The following TOX variants were observed in gnomAD, a reference collection of about 807,000 sequenced individuals.
The protein encoded by TOX is thymocyte selection-associated high mobility group box protein TOX.
In TOX, 11 loss-of-function variants were observed where a neutral mutation model predicts 53.7. The observed-to-expected ratio is 0.20, with a 90% CI of 0.13 to 0.34. TOX has a LOEUF of 0.34. Ranked by LOEUF, TOX falls within the 10% of genes least tolerant of loss-of-function variation. The pLI is 1.00. For missense variants in TOX, 570 were observed against 664.6 expected (o/e 0.86, Z 1.56); for synonymous variants, 225 against 245.3 (o/e 0.92, Z 0.77).
chr8:58,827,439 A>G (rs988008323), intron 5 of TOX, among the ~76,000 whole-genome samples: 3 of 152,206 alleles, frequency 2.0e-5, no homozygotes, highest in Non-Finnish European at 4.4e-5. Context: ...TCTATTTTCA[A>G]AGACTCAGGA....
chr8:59,056,141 C>T (rs143442431), intron 1 of TOX, among the ~76,000 whole-genome samples: 69 of 151,890 alleles, frequency 4.5e-4, no homozygotes, highest in Admixed American at 9.2e-4. Flanking sequence ...AGAATCATAC[C>T]GAAGCCAGGT....
Position 58,807,512 on chromosome 8 carries a change from A to G in TOX, c.*235T>C. ...AGCAAAAAACCAACATAAAATCTGA[A>G]TGGTCCAAATTTCCTTCAGGGAAGA... On this transcript the variant is annotated 3_prime_UTR_variant, in exon 9 of 9. Transcript: ENST00000361421. 1 of 465,576 alleles carries G rather than the reference A, an allele frequency of 2.1e-6. No homozygotes were observed. The highest frequency in any genetic ancestry group is 3.5e-5 in the Admixed American group (1 of 28,706). 28.8% of individuals were successfully genotyped at this position (465,576 alleles called of 1,614,324 possible). A position where few individuals can be genotyped will look rare whatever the true frequency, so the allele number is the denominator to read the frequency against.
At chr8:58,964,017 G>T (rs562528739) in intron 1 of TOX, among the ~76,000 whole-genome samples, 1 of 152,206 alleles carries the variant, frequency 6.6e-6, no homozygotes, top group East Asian at 1.9e-4. Flanking sequence ...TAAGGCAGGT[G>T]ACTCAAAGTC....
At chr8:58,811,255 A>C (rs1197279148) in intron 7 of TOX, among the ~76,000 whole-genome samples, 1 of 152,232 alleles carries the variant, frequency 6.6e-6, no homozygotes, top group Non-Finnish European at 1.5e-5. Context: ...AGTCTAATTA[A>C]ACAAGACTGA....
At chr8:59,029,674 C>A (rs1172790293) in intron 1 of TOX, among the ~76,000 whole-genome samples, 1 of 152,060 alleles carries the variant, frequency 6.6e-6, no homozygotes, top group African/African-American at 2.4e-5. Flanking sequence ...TCTGTTAGTA[C>A]CTTTGTTTGC....
At chr8:58,906,816 A>T (rs1811823583) in intron 3 of TOX, among the ~76,000 whole-genome samples, 1 of 152,224 alleles carries the variant, frequency 6.6e-6, no homozygotes, top group Admixed American at 6.5e-5. Flanking sequence ...TTCCTTCAAG[A>T]TGTTATAAAA....
rs1812775903 is a variant in TOX at position 58,960,053 on chromosome 8, G to A, written c.103-45C>T. On this transcript the variant is annotated intron_variant, in intron 1 of 8. Transcript: ENST00000361421. ...AAACATTCAGCAATCTTGACTGCGG[G>A]TATGTTTGGTTTTTATTTGTTTTGT... is the stretch of plus-strand genomic sequence containing the variant. 3.1e-6 allele frequency: 5 copies of A among 1,600,666 alleles called. No homozygotes were observed. The African/African-American group carries it at 5.4e-5, about 17-fold the overall frequency.
chr8:58,844,191 A>G (rs547609341), intron 4 of TOX, among the ~76,000 whole-genome samples: 54 of 152,322 alleles, frequency 3.5e-4, no homozygotes, highest in African/African-American at 1.2e-3. Flanking sequence ...AACGATAGAT[A>G]TGCTCTCTGC....
At chr8:59,002,094 G>T (rs1813699205) in intron 1 of TOX, among the ~76,000 whole-genome samples, 1 of 149,056 alleles carries the variant, frequency 6.7e-6, no homozygotes, top group Non-Finnish European at 1.5e-5. Context: ...CCTGCTGTCA[G>T]CCTCCCCAGT....
At chr8:58,874,360 AGTGTGTGT>A (rs1811250670) in intron 3 of TOX, among the ~76,000 whole-genome samples, 1 of 151,542 alleles carries the variant, frequency 6.6e-6, no homozygotes, top group African/African-American at 2.4e-5. Context: ...AGATGTTTTG[AGTGTGTGT>A]GGGTAGACAG....
chr8:58,831,688 G>C (rs944294162), intron 5 of TOX, among the ~76,000 whole-genome samples: 1 of 152,068 alleles, frequency 6.6e-6, no homozygotes, highest in Non-Finnish European at 1.5e-5. Context: ...TGCAAGGCCT[G>C]GTCTCTTTTG....
At chr8:58,845,431 A>C (rs1017113810) in intron 4 of TOX, among the ~76,000 whole-genome samples, 2 of 152,176 alleles carry the variant, frequency 1.3e-5, no homozygotes, top group African/African-American at 4.8e-5. Flanking sequence ...TCTTTTCTAA[A>C]CTATGCCATC....
chr8:59,093,645 T>C (rs1405048539), intron 1 of TOX, among the ~76,000 whole-genome samples: 1 of 152,226 alleles, frequency 6.6e-6, no homozygotes, highest in Non-Finnish European at 1.5e-5. Context: ...CTGCAAAGTA[T>C]AAGTTTTTCT....
chr8:58,991,832 C>CGTATCTTG (rs1342032204), intron 1 of TOX: 1 of 152,348 alleles, frequency 6.6e-6, no homozygotes, highest in African/African-American at 2.4e-5. Flanking sequence ...GTGGAGACAG[C>CGTATCTTG]GTATCTTGGG....
In TOX at chr8:58,899,533, C is replaced by G. The variant is rs145921292; in HGVS notation, c.411+39769G>C. ...GGGTCAACTATGGAATTAACAAAGA[C>G]AGAAATACAGGTAGATTATTTCTGG... On this transcript the variant is annotated intron_variant, in intron 3 of 8. Transcript: ENST00000361421. 3.2e-3 allele frequency among the ~76,000 whole-genome samples: 481 copies of G among 152,276 alleles called. 1 individual carries two copies. The highest frequency in any genetic ancestry group is 0.011 in the African/African-American group (453 of 41,546).
intron 3 of TOX, among the ~76,000 whole-genome samples, chr8:58,898,995 T>A (rs1368130172): frequency 1.3e-5 from 2 of 152,200 alleles, no homozygotes; most frequent in Non-Finnish European, 2.9e-5. Flanking sequence ...TTGGCTGAGG[T>A]GGCATAATCA....
chr8:59,066,300 T>C (rs1348036889), intron 1 of TOX, among the ~76,000 whole-genome samples: 1 of 152,224 alleles, frequency 6.6e-6, no homozygotes, highest in African/African-American at 2.4e-5. Flanking sequence ...AGTAGGAAGT[T>C]TGCTACACTT....
intron 3 of TOX, among the ~76,000 whole-genome samples, chr8:58,879,027 C>T (rs7812804): frequency 0.21 from 30,304 of 147,188 alleles, 3,339 homozygotes; most frequent in Middle Eastern, 0.27. Context: ...TGCCACTGCA[C>T]TCCAGCCTAG....
At chr8:59,020,445 C>T (rs1770669183) in intron 1 of TOX, among the ~76,000 whole-genome samples, 1 of 152,160 alleles carries the variant, frequency 6.6e-6, no homozygotes, top group Non-Finnish European at 1.5e-5. Context: ...CTCTACTTTC[C>T]AGCCCAGCTC....
Sources: allele counts gnomAD v4.1 joint callset (sites outside exome capture counted in the v4.1 genomes callset), GRCh38; gene constraint gnomAD v4.1.1; transcripts MANE v1.5; gene names NCBI Gene and HGNC (gene_info 2026-07-23, HGNC 2026-07-21).